Variants in LRP1B observed in about 807,000 individuals in gnomAD.
LRP1B encodes the protein LDL receptor related protein 1B.
LRP1B carries 217 observed loss-of-function variants against 556.6 expected under a neutral mutation model. That is an observed-to-expected ratio of 0.39 (90% CI 0.35 to 0.44). The LOEUF (loss-of-function observed/expected upper bound fraction) is 0.44. Ranked by LOEUF, LRP1B falls within the 20% of genes least tolerant of loss-of-function variation. The pLI is 1.00. For missense variants in LRP1B, 5,053 were observed against 5,620.8 expected (o/e 0.90, Z 3.23); for synonymous variants, 2,047 against 1,865.8 (o/e 1.10, Z -2.50).
At chr2:141,880,927 C>T (rs1035732542) in intron 1 of LRP1B, among the ~76,000 whole-genome samples, 1 of 151,996 alleles carries the variant, frequency 6.6e-6, no homozygotes, top group South Asian at 2.1e-4. Context: ...AATATAATTT[C>T]AGAGCAAATA....
At chr2:140,378,864 C>T (rs1683351035) in intron 67 of LRP1B, among the ~76,000 whole-genome samples, 1 of 152,156 alleles carries the variant, frequency 6.6e-6, no homozygotes, top group South Asian at 2.1e-4. Flanking sequence ...TTAAAAACTG[C>T]ACATTTGTTT....
At chr2:141,789,920 T>A (rs1424209682) in intron 2 of LRP1B, among the ~76,000 whole-genome samples, 2 of 151,992 alleles carry the variant, frequency 1.3e-5, no homozygotes, top group Non-Finnish European at 2.9e-5. Flanking sequence ...ATTGATGACT[T>A]AACCAGCGTC....
At chr2:140,382,776 G>A (rs963709235) in intron 67 of LRP1B, among the ~76,000 whole-genome samples, 3 of 152,094 alleles carry the variant, frequency 2.0e-5, no homozygotes, top group Admixed American at 6.6e-5. Flanking sequence ...AAACAAAGAA[G>A]TCCAAAAGTG....
chr2:140,524,713 C>T lies in LRP1B; in HGVS notation c.8026+1131G>A, dbSNP rs116717620. On this transcript the variant is annotated intron_variant, in intron 49 of 90. Transcript: ENST00000389484. ...TGCAAGAACAGAAAACCATATATCA[C>T]ATGTTCCCAGTTGCAAGTGGGAGCT... Among the ~76,000 whole-genome samples the T allele has an allele frequency of 9.3e-3, 1,418 of 151,914 alleles. 20 individuals are homozygous for T. Among genetic ancestry groups the T allele is most frequent in the African/African-American group, 0.031 (1,265 of 41,462 alleles).
intron 3 of LRP1B, among the ~76,000 whole-genome samples, chr2:141,309,466 G>C (rs1389047975): frequency 1.3e-5 from 2 of 152,214 alleles, no homozygotes; most frequent in African/African-American, 4.8e-5. Context: ...ATAGTGTTAA[G>C]AGGTAAGGCC....
At chr2:141,107,440 G>C (rs941698069) in intron 7 of LRP1B, among the ~76,000 whole-genome samples, 1 of 152,136 alleles carries the variant, frequency 6.6e-6, no homozygotes, top group Admixed American at 6.5e-5. Context: ...AAGGTCAAGA[G>C]ATCAAGACCA....
At chr2:141,447,288 T>C (rs1681231948) in intron 3 of LRP1B, among the ~76,000 whole-genome samples, 1 of 152,050 alleles carries the variant, frequency 6.6e-6, no homozygotes, top group African/African-American at 2.4e-5. Context: ...TTCTCTAAAC[T>C]GGTTATTCTA....
rs748486357 is a variant in LRP1B at position 140,444,576 on chromosome 2, A to G, written c.10161T>C (p.Asp3387=). 2.5e-6 allele frequency: 4 copies of G among 1,613,610 alleles called. No individual in the cohort carries two copies. In the East Asian group the frequency reaches 6.7e-5, roughly 27 times the overall value. The change falls in exon 64 of 91, where the codon GAT becomes GAC. Residue 3387 remains aspartate, a synonymous_variant. Transcript: ENST00000389484. ...TTAATCACCTACCACAGTTGAGTTC[A>G]TCAGAATTGTCTCCACAATCATTCT... ...DGENDCGDNS[D]ELNCDTHVCL...
At chr2:140,371,774 A>C (rs1683011949) in intron 69 of LRP1B, among the ~76,000 whole-genome samples, 1 of 152,008 alleles carries the variant, frequency 6.6e-6, no homozygotes, top group Non-Finnish European at 1.5e-5. Flanking sequence ...CAGACCCAAT[A>C]ATATCTATTT....
At chr2:142,077,557 T>C (rs1559057859) in intron 1 of LRP1B, among the ~76,000 whole-genome samples, 1 of 152,160 alleles carries the variant, frequency 6.6e-6, no homozygotes, top group African/African-American at 2.4e-5. Flanking sequence ...CCATTCATAG[T>C]ATGGGACCAC....
chr2:141,579,723 A>ATTTTTTTT (rs1559153915), intron 2 of LRP1B, among the ~76,000 whole-genome samples: 2 of 31,148 alleles, frequency 6.4e-5, no homozygotes, highest in African/African-American at 1.9e-4. Flanking sequence ...ATCAGGTTTC[A>ATTTTTTTT]CTTTTTTTTT....
intron 7 of LRP1B, among the ~76,000 whole-genome samples, chr2:141,118,188 T>A (rs566800322): frequency 1.3e-5 from 2 of 152,018 alleles, no homozygotes; most frequent in African/African-American, 4.8e-5. Flanking sequence ...ATGTTCAGTT[T>A]GCACTAATTT....
intron 7 of LRP1B, among the ~76,000 whole-genome samples, chr2:141,124,878 A>C (rs1442035511): frequency 6.6e-6 from 1 of 152,104 alleles, no homozygotes; most frequent in East Asian, 1.9e-4. Flanking sequence ...GATGGATTGT[A>C]TGCATATATA....
chr2:141,163,681 C>T (rs1481889969), intron 7 of LRP1B, among the ~76,000 whole-genome samples: 1 of 151,988 alleles, frequency 6.6e-6, no homozygotes, highest in African/African-American at 2.4e-5. Context: ...TAAAGGGTTT[C>T]CCCTTTTATT....
intron 7 of LRP1B, among the ~76,000 whole-genome samples, chr2:141,075,366 A>T (rs1699759769): frequency 6.6e-6 from 1 of 152,208 alleles, no homozygotes; most frequent in African/African-American, 2.4e-5. Flanking sequence ...ACTATATTTT[A>T]ACTTAGTGTT....
At chr2:141,970,428 T>C (rs1701695248) in intron 1 of LRP1B, among the ~76,000 whole-genome samples, 1 of 151,582 alleles carries the variant, frequency 6.6e-6, no homozygotes, top group East Asian at 1.9e-4. Flanking sequence ...CGTCCACTTA[T>C]CTCTAATAAA....
At chr2:140,323,805 T>TC (rs1680299641) in intron 81 of LRP1B, 88 bp downstream of exon 81, 2 of 650,000 alleles carry the variant, frequency 3.1e-6, no homozygotes, top group East Asian at 6.0e-5. Flanking sequence ...GACATTTACA[T>TC]AGTTAAGATA....
intron 1 of LRP1B, among the ~76,000 whole-genome samples, chr2:142,085,479 T>A (rs537676244): frequency 6.6e-5 from 10 of 152,200 alleles, no homozygotes; most frequent in African/African-American, 2.2e-4. Flanking sequence ...TAAAGAAAAA[T>A]GTTAACTAAG....
chr2:142,027,620 A>G (rs13394203), intron 1 of LRP1B, among the ~76,000 whole-genome samples: 12,448 of 150,844 alleles, frequency 0.083, 670 homozygotes, highest in East Asian at 0.15. Context: ...ATTTCTCACA[A>G]TAATCCACTG....
Sources: allele counts gnomAD v4.1 joint callset (sites outside exome capture counted in the v4.1 genomes callset), GRCh38; gene constraint gnomAD v4.1.1; transcripts MANE v1.5; gene names NCBI Gene and HGNC (gene_info 2026-07-23, HGNC 2026-07-21).